Variants in MVK observed in about 807,000 individuals in gnomAD.
MVK encodes LH receptor mRNA-binding protein.
A neutral mutation model predicts 43.2 loss-of-function variants in MVK; 34 were observed. The observed-to-expected ratio is 0.79, with a 90% CI of 0.60 to 1.05. The LOEUF is 1.05. MVK is among the 50% of genes least tolerant of loss of function. The pLI is 0.00. For missense variants in MVK, 395 were observed against 504.0 expected, an observed-to-expected ratio of 0.78 and a Z score of 2.07; for synonymous variants, 190 against 219.8, an observed-to-expected ratio of 0.86 and a Z score of 1.20.
chr12:109,591,346 C>T lies in MVK; in HGVS notation c.874C>T (p.Leu292Phe), dbSNP rs145586352. The T allele has an allele frequency of 9.7e-5, 157 of 1,614,034 alleles. No homozygotes were observed. The highest frequency in any genetic ancestry group is 2.5e-4 in the South Asian group (23 of 91,090). Residue 292 changes from leucine to phenylalanine, a missense_variant, in exon 9 of 11, where the codon CTC becomes TTC. Coordinates refer to ENST00000228510, the MANE Select transcript of MVK (RefSeq NM_000431.4). ...GGAAGCCCCAGCCCCGGAGCAGTAC[C>T]TCGTGCTGGAAGTAAGAGCCTGTCT... Reference protein sequence around the residue: ...MGEAPAPEQYLVLEELIDMNQ... With the variant: ...MGEAPAPEQYFVLEELIDMNQ...
At chr12:109,582,603 TCCCACCCCACCCCAC>T (rs3842306) in intron 5 of MVK, among the ~76,000 whole-genome samples, 2 of 144,340 alleles carry the variant, frequency 1.4e-5, no homozygotes, top group African/African-American at 5.1e-5. Context: ...AGAGTAGACC[TCCCACCCCACCCCAC>T]CCCACCACAC....
Position 109,577,502 on chromosome 12 carries a change from G to T in MVK, c.226+1357G>T, listed in dbSNP as rs1482486403. 2.6e-5 allele frequency among the ~76,000 whole-genome samples: 4 copies of T among 152,190 alleles called. No homozygotes were observed. The East Asian group carries it at 7.7e-4, about 29-fold the overall frequency. On this transcript the variant is annotated intron_variant, in intron 3 of 10. Transcript: ENST00000228510. Reference sequence around the variant, plus strand: ...TTCTCATTTCACTTGTTGAGATGGGGTCTCACTGTGTTGCCCAGGCTGGTC... The same window carrying T: ...TTCTCATTTCACTTGTTGAGATGGGTTCTCACTGTGTTGCCCAGGCTGGTC...
chr12:109,573,363 C>T, upstream of MVK: 8 of 1,613,236 alleles, frequency 5.0e-6, no homozygotes, highest in Non-Finnish European at 6.8e-6. Flanking sequence ...CCGTCTTCCA[C>T]GCCCTGAGGG....
Position 109,590,858 on chromosome 12 carries a change from C to G in MVK, c.765C>G (p.Leu255=), listed in dbSNP as rs1318953096. 6.2e-7 allele frequency: 1 copy of G among 1,613,988 alleles called. No homozygotes were observed. Among genetic ancestry groups the G allele is most frequent in the African/African-American group, 1.3e-5 (1 of 74,918 alleles). Residue 255 remains leucine (L), a synonymous_variant, in exon 8 of 11, where the codon CTC becomes CTG. Transcript: ENST00000228510. ...TGGCTGGCGTCAGAAACAGGCTGCT[C>G]AAGGTGACTCTTGTTCCCTTCTTGG... The part of the protein sequence containing the change: ...ALVAGVRNRL[L]KFPEIVAPLL...
Position 109,591,231 on chromosome 12 carries a change from T to C in MVK, c.769-10T>C. 2.5e-6 allele frequency: 4 copies of C among 1,613,834 alleles called. No individual in the cohort carries two copies. Among genetic ancestry groups the C allele is most frequent in the Non-Finnish European group, 3.4e-6 (4 of 1,179,688 alleles). On this transcript the variant is annotated splice_polypyrimidine_tract_variant and intron_variant, in intron 8 of 10. Coordinates refer to ENST00000228510, the MANE Select transcript of MVK (RefSeq NM_000431.4). ...AGGCCTCACCAGCCGTTCCTTCTTT[T>C]TTTCTCCAGTTCCCAGAGATCGTGG...
At chr12:109,596,334 A>AG in intron 10 of MVK, 92 bp from the exon 11 acceptor site, 1 of 1,531,704 alleles carries the variant, frequency 6.5e-7, no homozygotes, top group South Asian at 1.2e-5. Context: ...AGGAAGGCAC[A>AG]GCAGGAAGGC....
chr12:109,574,894 T>A lies in MVK; in HGVS notation c.72T>A (p.His24Gln), dbSNP rs776308015. The A allele has an allele frequency of 1.9e-6, 3 of 1,608,534 alleles. No homozygotes were observed. The change falls in exon 2 of 11, where the codon CAT becomes CAA. Residue 24 changes from histidine (H) to glutamine (Q), a missense_variant. Transcript: ENST00000228510. ...VILHGEHAVV[H>Q]GKVALAVSLN... is the part of the protein sequence containing the mutation. ...TTCATGGAGAACATGCCGTGGTACA[T>A]GGCAAGGTACAAAGCCGTTAGAGCC...
chr12:109,586,070 G>A lies in MVK; in HGVS notation c.576G>A (p.Gly192=). 2 of 1,614,206 alleles carry A rather than the reference G, an allele frequency of 1.2e-6. No homozygotes were observed. Among genetic ancestry groups the A allele is most frequent in the Non-Finnish European group, 1.7e-6 (2 of 1,180,042 alleles). The change falls in exon 6 of 11, where the codon GGG becomes GGA. Residue 192 remains glycine, a synonymous_variant. Transcript: ENST00000228510. ...LELINKWAFQ[G]ERMIHGNPSG... ...TAATTAACAAGTGGGCCTTCCAAGG[G>A]GAGAGAATGATTCACGGGAACCCCT...
intron 2 of MVK, 104 bp from the exon 3 acceptor site, chr12:109,575,894 T>TA: frequency 7.3e-7 from 1 of 1,374,154 alleles, no homozygotes; most frequent in Admixed American, 1.7e-5. Context: ...AGGGCATGGC[T>TA]AGGAGTGGCC....
chr12:109,581,164 T>G (rs1885198385), intron 4 of MVK, among the ~76,000 whole-genome samples: 1 of 152,212 alleles, frequency 6.6e-6, no homozygotes, highest in Non-Finnish European at 1.5e-5. Flanking sequence ...TGGGAAGGGC[T>G]CTGGTTGAAT....
intron 5 of MVK, among the ~76,000 whole-genome samples, chr12:109,585,270 C>T (rs1885386993): frequency 6.6e-6 from 1 of 152,150 alleles, no homozygotes; most frequent in Non-Finnish European, 1.5e-5. Flanking sequence ...GAAAGAGTCA[C>T]ACCTCTGCCC....
chr12:109,594,690 A>C (rs946421101), intron 9 of MVK, among the ~76,000 whole-genome samples: 1 of 152,180 alleles, frequency 6.6e-6, no homozygotes, highest in Non-Finnish European at 1.5e-5. Context: ...CTCTAGTGGG[A>C]AGGGGCAGAG....
In MVK at chr12:109,595,174, C is replaced by T. The variant is rs1885866879; in HGVS notation, c.1032C>T (p.Leu344=). Residue 344 remains leucine (L), a synonymous_variant, in exon 10 of 11, where the codon CTC becomes CTT. Coordinates refer to ENST00000228510, the MANE Select transcript of MVK (RefSeq NM_000431.4). This position sits in a 1 kb window ranked among gnomAD's most constrained non-coding sequence, Gnocchi z 5.9. The stretch of plus-strand genomic sequence containing the variant: ...GTGGTGGCTGTGGCATCACACTCCT[C>T]AAGCCAGGTATCCCGGGGGTAGGTG... ...AGGGGCGITL[L]KPGLEQPEVE... 3.7e-6 allele frequency: 6 copies of T among 1,614,052 alleles called. No homozygotes were observed. The highest frequency in any genetic ancestry group is 5.1e-6 in the Non-Finnish European group (6 of 1,180,012).
In MVK at chr12:109,595,321, C is replaced by T; in HGVS notation, c.1039+140C>T. On this transcript the variant is annotated intron_variant, in intron 10 of 10. Transcript: ENST00000228510. The surrounding 1 kb of genome is among the most constrained non-coding windows in gnomAD (Gnocchi z 5.9). ...TGGCCTTGGGCAAGTTAGTTAACCT[C>T]TGGTCTTTGCTTCCTCATTGGTAAA... The T allele has an allele frequency of 9.7e-7, 1 of 1,027,488 alleles. No homozygotes were observed. The highest frequency in any genetic ancestry group is 1.4e-6 in the Non-Finnish European group (1 of 718,422). The allele number at this position is 1,027,488 out of a possible 1,614,324, so 63.6% of individuals were successfully genotyped here. A position where few individuals can be genotyped will look rare whatever the true frequency, so the allele number is the denominator to read the frequency against.
At chr12:109,582,407 G>A (rs1253667595) in intron 5 of MVK, among the ~76,000 whole-genome samples, 2 of 152,096 alleles carry the variant, frequency 1.3e-5, no homozygotes, top group Admixed American at 1.3e-4. Flanking sequence ...TGTGATCTTG[G>A]CTCACTGCAA....
At chr12:109,593,582 T>C (rs1404925845) in intron 9 of MVK, among the ~76,000 whole-genome samples, 1 of 152,132 alleles carries the variant, frequency 6.6e-6, no homozygotes, top group African/African-American at 2.4e-5. Context: ...AGTCACTTCT[T>C]CTCTGAGCCT....
chr12:109,574,679 C>T (rs1318913029), intron 1 of MVK, 130 bp from the exon 2 acceptor site: 17 of 782,010 alleles, frequency 2.2e-5, no homozygotes, highest in Middle Eastern at 3.5e-4. Flanking sequence ...CTTTCTGGTA[C>T]GTAGCAAGTG....
chr12:109,573,725 G>A (rs1268294239), upstream of MVK: 1 of 578,292 alleles, frequency 1.7e-6, no homozygotes, highest in African/African-American at 1.9e-5. Flanking sequence ...ATTGGTAAAG[G>A]TACTCCGGGC....
chr12:109,573,495 G>A (rs1253813791), upstream of MVK: 1 of 1,591,464 alleles, frequency 6.3e-7, no homozygotes, highest in Non-Finnish European at 8.5e-7. Context: ...CAGGCTGCTT[G>A]ACGGGACCTG....
Sources: gnomAD v4.1 joint callset for allele counts (sites outside exome capture counted in the v4.1 genomes callset) on GRCh38, gnomAD v4.1.1 for gene constraint, Gnocchi (gnomAD v3.1) non-coding constraint, MANE v1.5 for transcripts, NCBI Gene and HGNC (gene_info 2026-07-23, HGNC 2026-07-21) for gene names.